Variants in PCNX4 observed in about 807,000 individuals in gnomAD.
PCNX4 encodes the protein pecanex 4.
A neutral mutation model predicts 107.2 loss-of-function variants in PCNX4; 103 were observed. The ratio of observed to expected loss-of-function variants is 0.96; its 90% CI spans 0.82 to 1.13. The LOEUF (loss-of-function observed/expected upper bound fraction) is 1.13, where lower values mean the gene tolerates loss of function less well. Ranked by LOEUF, PCNX4 falls within the 50% of genes most tolerant of loss-of-function variation. PCNX4 has a pLI of 0.00. For missense variants in PCNX4, 1,528 were observed against 1,379.4 expected (o/e 1.11, Z -1.71); for synonymous variants, 541 against 481.7 (o/e 1.12, Z -1.61).
At chr14:60,130,479 T>C (rs78854431) in intron 10 of PCNX4, among the ~76,000 whole-genome samples, 7,278 of 152,116 alleles carry the variant, frequency 0.048, 249 homozygotes, top group Middle Eastern at 0.11. Flanking sequence ...ACATCATCAT[T>C]ATTGGTGAAG....
chr14:60,140,649 G>C lies in PCNX4; in HGVS notation c.*6428G>C, dbSNP rs1217299453. The C allele has an allele frequency of 1.3e-5, 2 of 151,792 alleles. No homozygotes were observed. The highest frequency in any genetic ancestry group is 2.9e-5 in the Non-Finnish European group (2 of 67,910). 9.4% of individuals were successfully genotyped at this position (151,792 alleles called of 1,614,324 possible). ...ACACACACAGAATAATCACAATCAA[G>C]TTGGGTTTCTTCCTGAAAAAGTGAG... On this transcript the variant is annotated 3_prime_UTR_variant, in exon 11 of 11. Coordinates refer to ENST00000406854, the MANE Select transcript of PCNX4 (RefSeq NM_001330177.2). The surrounding 1 kb of genome is among the most constrained non-coding windows in gnomAD (Gnocchi z 4.2).
rs1260659157 is a variant in PCNX4, at chr14:60,139,566, A to T, written c.*5345A>T. 1 of 152,164 alleles carries T rather than the reference A, an allele frequency of 6.6e-6. No individual in the cohort carries two copies. The highest frequency in any genetic ancestry group is 1.9e-4 in the East Asian group (1 of 5,204). The allele number at this position is 152,164 out of a possible 1,614,324, so 9.4% of individuals were successfully genotyped here. ...AACAGCAGCCATGCAAAAATACGTA[A>T]ATATGTAAAGATTGGAATAATACTT... On this transcript the variant is annotated 3_prime_UTR_variant, in exon 11 of 11. Coordinates refer to ENST00000406854, the MANE Select transcript of PCNX4 (RefSeq NM_001330177.2).
intron 2 of PCNX4, among the ~76,000 whole-genome samples, chr14:60,114,360 C>G (rs1415182362): frequency 1.3e-5 from 2 of 152,148 alleles, no homozygotes; most frequent in Non-Finnish European, 2.9e-5. Context: ...TTTGCTCTGG[C>G]CTCAGTTGTT....
At position 60,107,751 on chromosome 14, in the gene PCNX4, C is replaced by T. The variant is rs747824903; in HGVS notation, c.113C>T (p.Pro38Leu). The part of the protein sequence containing the change: ...PRFKLGYCAP[P>L]YIYVNQIILF... ...TTCAAATTAGGCTATTGTGCCCCTC[C>T]TTACATATATGTTAATCAAATTATT... Residue 38 changes from proline to leucine, a missense_variant, in exon 2 of 11, where the codon CCT (proline) becomes CTT (leucine). By Grantham distance (98) the Pro-to-Leu change is moderately conservative. Transcript: ENST00000406854. 10 of 1,612,688 alleles carry T rather than the reference C, an allele frequency of 6.2e-6. No individual in the cohort carries two copies. The highest frequency in any genetic ancestry group is 8.5e-6 in the Non-Finnish European group (10 of 1,179,772).
At chr14:60,104,318 C>CAAAAAAAA (rs200434027) in intron 1 of PCNX4, among the ~76,000 whole-genome samples, 19 of 129,560 alleles carry the variant, frequency 1.5e-4, no homozygotes, top group African/African-American at 6.3e-4. Context: ...GACTCCATCT[C>CAAAAAAAA]AAAAAAAAAA....
At chr14:60,105,666 A>T (rs1226983618) in intron 1 of PCNX4, among the ~76,000 whole-genome samples, 1 of 152,234 alleles carries the variant, frequency 6.6e-6, no homozygotes, top group Non-Finnish European at 1.5e-5. Context: ...AGATGATTTC[A>T]TCAAATGAAT....
chr14:60,133,089 A>C (rs1896183825), intron 10 of PCNX4, among the ~76,000 whole-genome samples: 1 of 152,224 alleles, frequency 6.6e-6, no homozygotes, highest in African/African-American at 2.4e-5. Context: ...TCTATCCCTA[A>C]GTATGTATAC....
intron 2 of PCNX4, among the ~76,000 whole-genome samples, chr14:60,112,188 A>G (rs1278871016): frequency 1.3e-5 from 2 of 152,174 alleles, no homozygotes; most frequent in African/African-American, 2.4e-5. Flanking sequence ...TAAATCTACA[A>G]TGCTTAGCTC....
Position 60,141,361 on chromosome 14 carries a change from A to G in PCNX4, c.*7140A>G, listed in dbSNP as rs183358935. ...ACAAAAAACTGGTTCTTCAAAAAAC[A>G]ATCAAGAAAATCCATAAACCTGTAG... On this transcript the variant is annotated 3_prime_UTR_variant, in exon 11 of 11. Transcript: ENST00000406854. 1 of 142,628 alleles carries G rather than the reference A, an allele frequency of 7.0e-6. No homozygotes were observed. The highest frequency in any genetic ancestry group is 1.9e-4 in the East Asian group (1 of 5,182). The allele number at this position is 142,628 out of a possible 1,614,324, so 8.8% of individuals were successfully genotyped here.
intron 6 of PCNX4, among the ~76,000 whole-genome samples, 193 bp downstream of exon 6, chr14:60,116,253 C>T (rs1895846884): frequency 1.3e-5 from 2 of 152,140 alleles, no homozygotes; most frequent in Admixed American, 6.5e-5. Flanking sequence ...CACTGTAGTC[C>T]CAGCAGCTAC....
intron 3 of PCNX4, 33 bp downstream of exon 3, chr14:60,114,912 A>G (rs1458252199): frequency 1.3e-6 from 2 of 1,569,632 alleles, no homozygotes; most frequent in Non-Finnish European, 1.7e-6. Context: ...GTTATATGTA[A>G]TATTCTTAAA....
intron 2 of PCNX4, among the ~76,000 whole-genome samples, chr14:60,113,743 G>A (rs185841890): frequency 1.3e-5 from 2 of 152,140 alleles, no homozygotes; most frequent in Admixed American, 6.5e-5. Context: ...ATAAGTTTTG[G>A]GATTTAGTTG....
At chr14:60,104,227 G>A (rs529740117) in intron 1 of PCNX4, among the ~76,000 whole-genome samples, 1 of 150,518 alleles carries the variant, frequency 6.6e-6, no homozygotes, top group Non-Finnish European at 1.5e-5. Flanking sequence ...GCTGAGGCAG[G>A]AGAATCGCTT....
rs758948166 is a variant in PCNX4 at position 60,125,104 on chromosome 14, GTTATT to G, written c.2937_2941del (p.Tyr979Ter). 3 of 1,613,142 alleles carry G rather than the reference GTTATT, an allele frequency of 1.9e-6. No homozygotes were observed. The highest frequency in any genetic ancestry group is 2.2e-5 in the East Asian group (1 of 44,880). ...TTTTATGTTCATACAGTAATGACTT[GTTATT>G]TTAGTTTATTTGGAATAGACAATAT... On this transcript the variant is annotated frameshift_variant, in exon 9 of 11. Transcript: ENST00000406854. LOFTEE classifies it high-confidence loss of function.
intron 10 of PCNX4, chr14:60,133,576 G>A (rs564181406): frequency 4.1e-4 from 180 of 436,802 alleles, no homozygotes; most frequent in African/African-American, 3.3e-3. Context: ...AAGTAAATGT[G>A]AATTATATGG....
intron 10 of PCNX4, among the ~76,000 whole-genome samples, chr14:60,127,140 T>A (rs1253223220): frequency 6.6e-6 from 1 of 152,196 alleles, no homozygotes; most frequent in Non-Finnish European, 1.5e-5. Context: ...GACTTGCTGT[T>A]TTATGATAGT....
rs1435381991 is a variant in PCNX4, at chr14:60,142,078, T to C, written c.*7857T>C. On this transcript the variant is annotated 3_prime_UTR_variant, in exon 11 of 11. Transcript: ENST00000406854. The surrounding 1 kb of genome is among the most constrained non-coding windows in gnomAD (Gnocchi z 4.7). ...TATAATAATGCAAGCACATCATTGG[T>C]TGCCTGGAATGGGGTGGGCGAGGGG... is the stretch of plus-strand genomic sequence containing the variant. 1 of 152,214 alleles carries C rather than the reference T, an allele frequency of 6.6e-6. No individual in the cohort carries two copies. Among genetic ancestry groups the C allele is most frequent in the Non-Finnish European group, 1.5e-5 (1 of 68,036 alleles). 9.4% of individuals were successfully genotyped at this position (152,214 alleles called of 1,614,324 possible).
rs79900253 is a variant in PCNX4 at position 60,138,096 on chromosome 14, G to GAA, written c.*3889_*3890dup. 2.6e-4 allele frequency: 20 copies of GAA among 76,210 alleles called. No individual in the cohort carries two copies. The highest frequency in any genetic ancestry group is 7.0e-4 in the African/African-American group (15 of 21,524). 4.7% of individuals were successfully genotyped at this position (76,210 alleles called of 1,614,324 possible). A position where few individuals can be genotyped will look rare whatever the true frequency, so the allele number is the denominator to read the frequency against. The stretch of plus-strand genomic sequence containing the variant: ...ACAGAGCGAGACTCCATCTCAAAAA[G>GAA]AAAAAAAAAAAAAAAGGATTCAGTG... On this transcript the variant is annotated 3_prime_UTR_variant, in exon 11 of 11. Transcript: ENST00000406854.
At position 60,115,701 on chromosome 14, in the gene PCNX4, C is replaced by T; in HGVS notation, c.1358-18C>T. Reference sequence around the variant, plus strand: ...TATTTTGCCTTAATTAAATTTCTCTCTTTTTGTTTTGTTTTAGTATCACCT... The same window carrying T: ...TATTTTGCCTTAATTAAATTTCTCTTTTTTTGTTTTGTTTTAGTATCACCT... On this transcript the variant is annotated intron_variant, in intron 4 of 10. Transcript: ENST00000406854. The T allele has an allele frequency of 6.3e-7, 1 of 1,593,908 alleles. No individual in the cohort carries two copies. The highest frequency in any genetic ancestry group is 8.6e-7 in the Non-Finnish European group (1 of 1,166,186).
Sources: allele counts gnomAD v4.1 joint callset (sites outside exome capture counted in the v4.1 genomes callset), GRCh38; gene constraint gnomAD v4.1.1; non-coding constraint Gnocchi (gnomAD v3.1); transcripts MANE v1.5; gene names NCBI Gene and HGNC (gene_info 2026-07-23, HGNC 2026-07-21).